MED27: variants seen among roughly 807,000 people sequenced by gnomAD.
MED27 encodes the protein mediator complex subunit 27, also known as mediator of RNA polymerase II transcription subunit 27.
A neutral mutation model predicts 38.2 loss-of-function variants in MED27; 30 were observed. The observed-to-expected ratio is 0.79, with a 90% confidence interval of 0.59 to 1.07. The LOEUF is 1.07. Among genes scored for constraint, MED27 ranks in the 50% least tolerant of loss-of-function variants. The pLI, the probability that MED27 is intolerant of heterozygous loss-of-function variation, is 0.00. For missense variants in MED27, 289 were observed against 397.5 expected (o/e 0.73, Z 2.32); for synonymous variants, 122 against 153.5 (o/e 0.79, Z 1.52).
At chr9:131,950,409 C>G (rs996035942) in intron 3 of MED27, among the ~76,000 whole-genome samples, 1 of 152,212 alleles carries the variant, frequency 6.6e-6, no homozygotes, top group Non-Finnish European at 1.5e-5. Flanking sequence ...CTCCCGTGCC[C>G]AGGAAGGGCT....
rs145264788 is a variant in MED27 at position 131,918,472 on chromosome 9, G to GCAAA, written c.573+20905_573+20908dup. ...ATACCTAGTAAGTAGTATTTGCCAA[G>GCAAA]CAAACAAACAAACAACTCCCTGAAA... On this transcript the variant is annotated intron_variant, in intron 4 of 7. Coordinates refer to ENST00000292035, the MANE Select transcript of MED27 (RefSeq NM_004269.4). Among the ~76,000 whole-genome samples the GCAAA allele has an allele frequency of 7.6e-3, 1,156 of 152,280 alleles. 29 individuals carry two copies. Among genetic ancestry groups the GCAAA allele is most frequent in the East Asian group, 0.07 (362 of 5,186 alleles).
At chr9:132,005,434 C>A (rs938374056) in intron 3 of MED27, among the ~76,000 whole-genome samples, 1 of 152,172 alleles carries the variant, frequency 6.6e-6, no homozygotes, top group Non-Finnish European at 1.5e-5. Flanking sequence ...GCTCTGAATG[C>A]CAGGTATTTG....
At chr9:131,928,346 C>A (rs1179338045) in intron 4 of MED27, among the ~76,000 whole-genome samples, 1 of 152,166 alleles carries the variant, frequency 6.6e-6, no homozygotes, top group African/African-American at 2.4e-5. Flanking sequence ...ACCATCCCCC[C>A]TGCAGGAACA....
At chr9:131,903,580 G>GCCCACATGCACCTGGGCTTTCTTACTT (rs1829993369) in intron 4 of MED27, among the ~76,000 whole-genome samples, 1 of 152,162 alleles carries the variant, frequency 6.6e-6, no homozygotes, top group Admixed American at 6.5e-5. Flanking sequence ...GGGAAAGGCG[G>GCCCACATGCACCTGGGCTTTCTTACTT]CCCACATGCA....
chr9:132,071,988 C>T (rs147927321), intron 2 of MED27, among the ~76,000 whole-genome samples: 124 of 151,658 alleles, frequency 8.2e-4, no homozygotes, highest in Admixed American at 4.0e-3. Flanking sequence ...ACAGAAGTAA[C>T]GCACGCCTCA....
chr9:132,067,041 T>C (rs1307372498), intron 2 of MED27, among the ~76,000 whole-genome samples: 1 of 152,040 alleles, frequency 6.6e-6, no homozygotes. Context: ...GAAACCACAA[T>C]CTAAAAATGA....
At chr9:131,960,974 T>C (rs1831202987) in intron 3 of MED27, among the ~76,000 whole-genome samples, 1 of 151,232 alleles carries the variant, frequency 6.6e-6, no homozygotes, top group Admixed American at 6.6e-5. Context: ...GCCAGGAGAG[T>C]CGAAGAAATG....
At chr9:131,957,917 GA>G (rs1442487257) in intron 3 of MED27, among the ~76,000 whole-genome samples, 1 of 149,788 alleles carries the variant, frequency 6.7e-6, no homozygotes, top group Non-Finnish European at 1.5e-5. Flanking sequence ...AAAAAAGAAA[GA>G]AAAAAAAGAC....
chr9:131,983,964 T>C (rs1831795146), intron 3 of MED27, among the ~76,000 whole-genome samples: 1 of 152,170 alleles, frequency 6.6e-6, no homozygotes, highest in African/African-American at 2.4e-5. Context: ...CTGTATTTGA[T>C]CAGAGCCACT....
At chr9:132,005,007 G>A (rs1832327709) in intron 3 of MED27, among the ~76,000 whole-genome samples, 1 of 152,226 alleles carries the variant, frequency 6.6e-6, no homozygotes, top group Non-Finnish European at 1.5e-5. Flanking sequence ...CCTTATAGGA[G>A]TAAGAAGCTG....
chr9:131,872,178 G>A lies in MED27; in HGVS notation c.724-9038C>T, dbSNP rs1339522222. ...CAGGAGTTCACAGGCTCCCTGAGAT[G>A]ATTTTGGGTGCAGGTTCAAGGGCCG... On this transcript the variant is annotated intron_variant, in intron 6 of 7. Transcript: ENST00000292035. The surrounding 1 kb of genome is among the most constrained non-coding windows in gnomAD (Gnocchi z 5.6). Among the ~76,000 whole-genome samples, 3 of 152,216 alleles carry A rather than the reference G, an allele frequency of 2.0e-5. No individual in the cohort carries two copies. Among genetic ancestry groups the A allele is most frequent in the African/African-American group, 7.2e-5 (3 of 41,464 alleles).
At chr9:131,936,641 T>TA (rs147158769) in intron 4 of MED27, among the ~76,000 whole-genome samples, 1 of 152,220 alleles carries the variant, frequency 6.6e-6, no homozygotes, top group African/African-American at 2.4e-5. Context: ...TGGGGCCCCC[T>TA]AAAAAACGTT....
intron 3 of MED27, among the ~76,000 whole-genome samples, chr9:131,966,438 A>G: frequency 6.7e-6 from 1 of 149,336 alleles, no homozygotes; most frequent in South Asian, 2.1e-4. Context: ...GTGTATTTCC[A>G]CTAATGGTCC....
At chr9:132,067,880 T>G (rs370864587) in intron 2 of MED27, among the ~76,000 whole-genome samples, 1 of 151,974 alleles carries the variant, frequency 6.6e-6, no homozygotes, top group Non-Finnish European at 1.5e-5. Flanking sequence ...CTTGGCTAAT[T>G]TTTTGTATTT....
chr9:131,929,297 G>T (rs993680722), intron 4 of MED27, among the ~76,000 whole-genome samples: 2 of 152,176 alleles, frequency 1.3e-5, no homozygotes, highest in Non-Finnish European at 2.9e-5. Context: ...ATTCCCAGCC[G>T]TGGTGGTTCT....
chr9:131,907,415 T>C (rs1830087459), intron 4 of MED27, among the ~76,000 whole-genome samples: 1 of 152,196 alleles, frequency 6.6e-6, no homozygotes, highest in African/African-American at 2.4e-5. Context: ...AGACGGGGTT[T>C]CGCCGTGTTG....
intron 2 of MED27, among the ~76,000 whole-genome samples, chr9:132,063,740 C>T (rs911781208): frequency 2.6e-5 from 4 of 152,120 alleles, no homozygotes; most frequent in African/African-American, 9.7e-5. Context: ...GGAACACCTC[C>T]ACCGCTCAAG....
intron 3 of MED27, among the ~76,000 whole-genome samples, chr9:131,995,442 AG>A (rs1247174246): frequency 1.3e-5 from 2 of 152,196 alleles, no homozygotes; most frequent in East Asian, 3.9e-4. Flanking sequence ...ACCATCATCA[AG>A]TTCCCAAAAT....
At chr9:132,072,194 C>T (rs779139034) in intron 2 of MED27, among the ~76,000 whole-genome samples, 2 of 152,228 alleles carry the variant, frequency 1.3e-5, no homozygotes, top group Admixed American at 6.5e-5. Flanking sequence ...GTCATTATAA[C>T]TACCATTTAC....
Sources: gnomAD v4.1 joint callset for allele counts (sites outside exome capture counted in the v4.1 genomes callset) on GRCh38, gnomAD v4.1.1 for gene constraint, Gnocchi (gnomAD v3.1) non-coding constraint, MANE v1.5 for transcripts, NCBI Gene and HGNC (gene_info 2026-07-23, HGNC 2026-07-21) for gene names.